MAGI2: variants seen among roughly 807,000 people sequenced by gnomAD.
The protein encoded by MAGI2 is membrane-associated guanylate kinase, WW and PDZ domain-containing protein 2.
Under a neutral mutation model 133.3 loss-of-function variants are expected in MAGI2, and 35 were observed. The observed-to-expected ratio is 0.26, with a 90% CI of 0.20 to 0.35. The LOEUF (loss-of-function observed/expected upper bound fraction) is 0.35. MAGI2 is among the 10% of genes least tolerant of loss of function. The pLI, the probability that MAGI2 is intolerant of heterozygous loss-of-function variation, is 1.00. For missense variants in MAGI2, 1,636 were observed against 1,863.4 expected (o/e 0.88, Z 2.25); for synonymous variants, 729 against 710.6 (o/e 1.03, Z -0.41).
chr7:79,409,771 G>A (rs1846032709), intron 1 of MAGI2, among the ~76,000 whole-genome samples: 1 of 152,086 alleles, frequency 6.6e-6, no homozygotes, highest in Non-Finnish European at 1.5e-5. Context: ...AACTGAGATA[G>A]CAAGGAAAGT....
chr7:79,114,667 C>T (rs991753714), intron 1 of MAGI2, among the ~76,000 whole-genome samples: 1 of 152,018 alleles, frequency 6.6e-6, no homozygotes, highest in Non-Finnish European at 1.5e-5. Context: ...CACACAGAGC[C>T]CCCCCATTAC....
chr7:78,747,304 A>G (rs1332850491), intron 2 of MAGI2, among the ~76,000 whole-genome samples: 1 of 152,210 alleles, frequency 6.6e-6, no homozygotes, highest in Non-Finnish European at 1.5e-5. Context: ...GTATAATTCT[A>G]CTACCAAAGA....
chr7:78,276,137 C>T (rs1366700987), intron 9 of MAGI2, among the ~76,000 whole-genome samples: 2 of 152,122 alleles, frequency 1.3e-5, no homozygotes, highest in African/African-American at 2.4e-5. Context: ...ATACAGTCAG[C>T]AGATCATAAA....
At chr7:79,438,891 C>T (rs1200990068) in intron 1 of MAGI2, among the ~76,000 whole-genome samples, 1 of 152,128 alleles carries the variant, frequency 6.6e-6, no homozygotes, top group Non-Finnish European at 1.5e-5. Context: ...TCTCCTTCGC[C>T]TAAACACATT....
chr7:78,468,943 T>C (rs937151998), intron 6 of MAGI2, among the ~76,000 whole-genome samples: 11 of 152,190 alleles, frequency 7.2e-5, no homozygotes, highest in African/African-American at 2.4e-4. Flanking sequence ...TCAGGTACCA[T>C]GTTCAGATTT....
At chr7:78,723,247 C>G (rs967982085) in intron 2 of MAGI2, among the ~76,000 whole-genome samples, 1 of 151,986 alleles carries the variant, frequency 6.6e-6, no homozygotes, top group Non-Finnish European at 1.5e-5. Flanking sequence ...TATAAGATGG[C>G]CTTATAAATT....
At chr7:78,587,131 T>G (rs571163348) in intron 3 of MAGI2, among the ~76,000 whole-genome samples, 1 of 152,324 alleles carries the variant, frequency 6.6e-6, no homozygotes, top group African/African-American at 2.4e-5. Flanking sequence ...ACAGTTCTAT[T>G]TTTGATATTT....
At chr7:78,050,790 G>A (rs1351499119) in intron 21 of MAGI2, among the ~76,000 whole-genome samples, 1 of 152,134 alleles carries the variant, frequency 6.6e-6, no homozygotes, top group Non-Finnish European at 1.5e-5. Context: ...ATCATTTTAT[G>A]AGGACTTTCT....
At chr7:79,219,687 T>G (rs933524665) in intron 1 of MAGI2, among the ~76,000 whole-genome samples, 11 of 152,066 alleles carry the variant, frequency 7.2e-5, no homozygotes, top group Non-Finnish European at 1.5e-4. Flanking sequence ...TTGTGCTCAT[T>G]TTTAGAATGT....
intron 1 of MAGI2, among the ~76,000 whole-genome samples, chr7:79,380,469 C>T (rs2129142222): frequency 6.6e-6 from 1 of 151,904 alleles, no homozygotes; most frequent in Admixed American, 6.6e-5. Flanking sequence ...AATGGCCACA[C>T]TTGCTCTTGC....
chr7:79,408,227 G>A (rs992745540), intron 1 of MAGI2, among the ~76,000 whole-genome samples: 1 of 151,896 alleles, frequency 6.6e-6, no homozygotes, highest in African/African-American at 2.4e-5. Flanking sequence ...TTCATAATAT[G>A]TTTTCTAAGG....
chr7:79,014,678 C>T (rs1036233040), intron 1 of MAGI2, among the ~76,000 whole-genome samples: 1 of 152,018 alleles, frequency 6.6e-6, no homozygotes, highest in Admixed American at 6.6e-5. Flanking sequence ...AAGGGAAAAG[C>T]AATCTATTAG....
intron 2 of MAGI2, among the ~76,000 whole-genome samples, chr7:78,991,020 G>T (rs1805716452): frequency 6.6e-6 from 1 of 151,072 alleles, no homozygotes; most frequent in African/African-American, 2.4e-5. Flanking sequence ...GAGGGATTTG[G>T]TGGGGGGTGA....
intron 9 of MAGI2, among the ~76,000 whole-genome samples, chr7:78,286,292 C>A (rs1796135785): frequency 6.6e-6 from 1 of 152,090 alleles, no homozygotes; most frequent in Non-Finnish European, 1.5e-5. Context: ...AATATCCACA[C>A]TTTTAAAAGA....
chr7:78,401,082 A>T (rs943261433), intron 6 of MAGI2, among the ~76,000 whole-genome samples: 19 of 151,634 alleles, frequency 1.3e-4, no homozygotes, highest in East Asian at 7.7e-4. Context: ...AAAAAATAAA[A>T]TTTTCTAACT....
Position 78,402,540 on chromosome 7 carries a change from G to C in MAGI2, c.1046-33327C>G, listed in dbSNP as rs116163493. 7.7e-3 allele frequency among the ~76,000 whole-genome samples: 1,171 copies of C among 152,256 alleles called. 14 individuals carry two copies. Among genetic ancestry groups the C allele is most frequent in the African/African-American group, 0.026 (1,094 of 41,542 alleles). On this transcript the variant is annotated intron_variant, in intron 6 of 21. Coordinates refer to ENST00000354212, the MANE Select transcript of MAGI2 (RefSeq NM_012301.4). ...ATTTGGAATTTTCAACTAATATCATGCTATACAGTCTTATTCCCAATGGTG... is the reference window on the plus strand; with the variant it reads ...ATTTGGAATTTTCAACTAATATCATCCTATACAGTCTTATTCCCAATGGTG...
intron 3 of MAGI2, among the ~76,000 whole-genome samples, chr7:78,600,945 G>A (rs1354940118): frequency 6.6e-6 from 1 of 152,140 alleles, no homozygotes; most frequent in Non-Finnish European, 1.5e-5. Context: ...GGTGACAGGT[G>A]TAGTGGGACA....
At chr7:78,133,807 T>C (rs1013855793) in intron 17 of MAGI2, among the ~76,000 whole-genome samples, 4 of 152,196 alleles carry the variant, frequency 2.6e-5, no homozygotes, top group African/African-American at 9.7e-5. Flanking sequence ...TGTCTGGAGA[T>C]AGTAGGTTAT....
chr7:79,272,614 C>T (rs1834956190), intron 1 of MAGI2, among the ~76,000 whole-genome samples: 1 of 151,946 alleles, frequency 6.6e-6, no homozygotes, highest in African/African-American at 2.4e-5. Flanking sequence ...GCACTGAGCC[C>T]TCTTTAACAA....
Sources: allele counts gnomAD v4.1 joint callset (sites outside exome capture counted in the v4.1 genomes callset), GRCh38; gene constraint gnomAD v4.1.1; transcripts MANE v1.5; gene names NCBI Gene and HGNC (gene_info 2026-07-23, HGNC 2026-07-21).